The following DLG2 variants were observed in gnomAD, a reference collection of about 807,000 sequenced individuals.
DLG2 encodes the protein disks large homolog 2.
In DLG2, 45 loss-of-function variants were observed where a neutral mutation model predicts 132.5. That is an observed-to-expected ratio of 0.34 (90% CI 0.27 to 0.44). The LOEUF is 0.44. Among genes scored for constraint, DLG2 ranks in the 20% least tolerant of loss-of-function variants. The pLI is 1.00. For missense variants in DLG2, 1,045 were observed against 1,196.9 expected, an observed-to-expected ratio of 0.87 and a Z score of 1.87; for synonymous variants, 424 against 419.6, an observed-to-expected ratio of 1.01 and a Z score of -0.13.
In DLG2 at chr11:84,573,469, A is replaced by G. The variant is rs537319901; in HGVS notation, c.358-38738T>C. ...TATACATCAATATTGCTTCTTATTG[A>G]AATAAATAGGATACCAAAAAGGATG... On this transcript the variant is annotated intron_variant, in intron 6 of 27. Coordinates refer to ENST00000376104, the MANE Select transcript of DLG2 (RefSeq NM_001142699.3). Among the ~76,000 whole-genome samples the G allele has an allele frequency of 5.3e-5, 8 of 152,300 alleles. 1 individual carries two copies. The South Asian group carries it at 1.7e-3, about 32-fold the overall frequency.
At chr11:85,447,309 T>C (rs1005455822) in intron 3 of DLG2, among the ~76,000 whole-genome samples, 1 of 152,156 alleles carries the variant, frequency 6.6e-6, no homozygotes, top group Non-Finnish European at 1.5e-5. Context: ...CTGCCCAAAC[T>C]AATATGTTGA....
chr11:85,372,301 C>T (rs2085046111), intron 3 of DLG2, among the ~76,000 whole-genome samples: 1 of 152,204 alleles, frequency 6.6e-6, no homozygotes, highest in African/African-American at 2.4e-5. Flanking sequence ...GCAGCCAAAT[C>T]CTAGCAAGCA....
chr11:85,472,190 C>T (rs1320734204), intron 3 of DLG2, among the ~76,000 whole-genome samples: 2 of 152,204 alleles, frequency 1.3e-5, no homozygotes, highest in African/African-American at 2.4e-5. Context: ...CCAATTGGCA[C>T]ACACTCCCCA....
At chr11:83,663,554 T>A (rs1014665268) in intron 18 of DLG2, among the ~76,000 whole-genome samples, 1 of 152,220 alleles carries the variant, frequency 6.6e-6, no homozygotes, top group African/African-American at 2.4e-5. Flanking sequence ...AGATACAATG[T>A]GTGTGTGGCA....
At chr11:85,119,512 T>A (rs995524296) in intron 5 of DLG2, among the ~76,000 whole-genome samples, 3 of 151,994 alleles carry the variant, frequency 2.0e-5, no homozygotes, top group Non-Finnish European at 4.4e-5. Context: ...AGTAATCAGA[T>A]GAGAAAAACG....
intron 14 of DLG2, among the ~76,000 whole-genome samples, chr11:83,942,082 G>C (rs1439034652): frequency 6.6e-6 from 1 of 152,094 alleles, no homozygotes; most frequent in African/African-American, 2.4e-5. Flanking sequence ...CATTGTCACA[G>C]CATTTGTAGA....
At chr11:85,537,176 C>T (rs967025797) in intron 3 of DLG2, among the ~76,000 whole-genome samples, 1 of 152,186 alleles carries the variant, frequency 6.6e-6, no homozygotes, top group African/African-American at 2.4e-5. Context: ...AATTAGCACT[C>T]TGTCAATATG....
intron 9 of DLG2, among the ~76,000 whole-genome samples, chr11:84,109,607 A>G (rs2093217767): frequency 6.6e-6 from 1 of 152,248 alleles, no homozygotes; most frequent in Non-Finnish European, 1.5e-5. Flanking sequence ...AACAGTATGT[A>G]TCCAAAATGC....
intron 11 of DLG2, among the ~76,000 whole-genome samples, chr11:84,026,457 G>A (rs1316262810): frequency 2.0e-5 from 3 of 152,054 alleles, no homozygotes; most frequent in Admixed American, 6.6e-5. Flanking sequence ...GACTTGCATA[G>A]TTTATTATCC....
chr11:83,761,180 G>C (rs1290794355), intron 18 of DLG2, among the ~76,000 whole-genome samples: 1 of 152,106 alleles, frequency 6.6e-6, no homozygotes, highest in Non-Finnish European at 1.5e-5. Flanking sequence ...AGTGAGAATG[G>C]GCATTTATTT....
chr11:84,651,540 A>G (rs2099682087), intron 6 of DLG2, among the ~76,000 whole-genome samples: 1 of 152,026 alleles, frequency 6.6e-6, no homozygotes. Flanking sequence ...AGCAAAGGTC[A>G]CTCCTCTTCT....
At chr11:84,982,560 C>A (rs1437536937) in intron 6 of DLG2, among the ~76,000 whole-genome samples, 3 of 152,070 alleles carry the variant, frequency 2.0e-5, no homozygotes, top group African/African-American at 7.2e-5. Flanking sequence ...GTACAAACTA[C>A]CACCTATAAC....
At chr11:83,989,325 C>T (rs890677592) in intron 11 of DLG2, among the ~76,000 whole-genome samples, 15 of 152,118 alleles carry the variant, frequency 9.9e-5, no homozygotes, top group Non-Finnish European at 1.6e-4. Flanking sequence ...TATAACTATG[C>T]AAATTTGAGT....
chr11:84,586,847 A>C (rs1019537778), intron 6 of DLG2, among the ~76,000 whole-genome samples: 1 of 152,178 alleles, frequency 6.6e-6, no homozygotes, highest in African/African-American at 2.4e-5. Context: ...TATCTTAACC[A>C]ATGCTTTGCC....
At chr11:84,445,358 C>T (rs968045879) in intron 7 of DLG2, among the ~76,000 whole-genome samples, 7 of 151,890 alleles carry the variant, frequency 4.6e-5, no homozygotes, top group Non-Finnish European at 8.8e-5. Flanking sequence ...TTATATTTTC[C>T]CTGAACTGAA....
chr11:83,917,593 A>G (rs1276586317), intron 15 of DLG2, among the ~76,000 whole-genome samples: 1 of 152,198 alleles, frequency 6.6e-6, no homozygotes, highest in Non-Finnish European at 1.5e-5. Context: ...ATCCCCCAAG[A>G]GAACAAGGAT....
In DLG2 at chr11:83,770,255, G is replaced by GTTTTTTTTTTTTTTTTTTTTTTT. The variant is rs143065797; in HGVS notation, c.1825+16434_1825+16435insAAAAAAAAAAAAAAAAAAAAAAA. ...TACCTTTTGTCTCGTGGTGTCTGGT[G>GTTTTTTTTTTTTTTTTTTTTTTT]TTTTTTTTTGTTTTTTTGCTTTTTG... On this transcript the variant is annotated intron_variant, in intron 18 of 27. Coordinates refer to ENST00000376104, the MANE Select transcript of DLG2 (RefSeq NM_001142699.3). 8.9e-4 allele frequency among the ~76,000 whole-genome samples: 98 copies of GTTTTTTTTTTTTTTTTTTTTTTT among 109,872 alleles called. 6 individuals carry two copies. The highest frequency in any genetic ancestry group is 1.2e-3 in the African/African-American group (29 of 24,422). 72.1% of individuals were successfully genotyped at this position (109,872 alleles called of 152,430 possible).
intron 14 of DLG2, among the ~76,000 whole-genome samples, chr11:83,951,176 T>A (rs2085321042): frequency 6.6e-6 from 1 of 152,062 alleles, no homozygotes; most frequent in Non-Finnish European, 1.5e-5. Flanking sequence ...GAATGTAAAC[T>A]GAGACCAAAA....
intron 6 of DLG2, among the ~76,000 whole-genome samples, chr11:84,770,944 G>T (rs962285073): frequency 6.6e-6 from 1 of 151,872 alleles, no homozygotes; most frequent in Non-Finnish European, 1.5e-5. Flanking sequence ...GAGCCACTGC[G>T]CTCAGCCGAT....
Sources: gnomAD v4.1 joint callset for allele counts (sites outside exome capture counted in the v4.1 genomes callset) on GRCh38, gnomAD v4.1.1 for gene constraint, MANE v1.5 for transcripts, NCBI Gene and HGNC (gene_info 2026-07-23, HGNC 2026-07-21) for gene names.